The following TENM1 variants were observed in gnomAD, a reference collection of about 807,000 sequenced individuals.
TENM1 encodes teneurin transmembrane protein 1, also known as teneurin-1.
TENM1 carries 35 observed loss-of-function variants against 174.8 expected under a neutral mutation model. The ratio of observed to expected loss-of-function variants is 0.20; its 90% CI spans 0.15 to 0.27. TENM1 has a LOEUF of 0.27. Among genes scored for constraint, TENM1 ranks in the 10% least tolerant of loss-of-function variants. The pLI is 1.00. For missense variants in TENM1, 1,633 were observed against 2,130.1 expected (o/e 0.77, Z 4.59); for synonymous variants, 781 against 798.7 (o/e 0.98, Z 0.37).
At chrX:124,820,328 GCCC>G (rs760086705) in intron 3 of TENM1, among the ~76,000 whole-genome samples, 1 of 110,302 alleles carries the variant, frequency 9.1e-6, no homozygotes, top group Admixed American at 9.7e-5. Context: ...CCTCCCAGCC[GCCC>G]CCCCACCACA....
rs6648626 is a variant in TENM1, at chrX:124,932,317, C to T, written c.217+31220G>A. On this transcript the variant is annotated intron_variant, in intron 1 of 31. Transcript: ENST00000422452. Reference sequence around the variant, plus strand: ...GATAGAAGGAATTTTAAATGTAATTCATGCATAGTCCATAAATGGACTAAA... The same window carrying T: ...GATAGAAGGAATTTTAAATGTAATTTATGCATAGTCCATAAATGGACTAAA... Among the ~76,000 whole-genome samples, 51 of 112,222 alleles carry T rather than the reference C, an allele frequency of 4.5e-4. 1 individual carries two copies. In the East Asian group the frequency reaches 0.014, roughly 31 times the overall value.
At chrX:124,666,099 T>G (rs1178270437) in intron 6 of TENM1, among the ~76,000 whole-genome samples, 1 of 111,890 alleles carries the variant, frequency 8.9e-6, no homozygotes, top group East Asian at 2.8e-4. Context: ...GGTCATATAT[T>G]CAGCAGACAC....
At chrX:125,162,833 C>A in the TENM1 span, among the ~76,000 whole-genome samples, 1 of 111,272 alleles carries the variant, frequency 9.0e-6, no homozygotes, top group Non-Finnish European at 1.9e-5. Context: ...CCAACAGTTG[C>A]CCCCTTGAAC....
At chrX:125,183,920 A>G in the TENM1 span, among the ~76,000 whole-genome samples, 6 of 111,698 alleles carry the variant, frequency 5.4e-5, no homozygotes, top group African/African-American at 2.0e-4. Context: ...AAATCATACA[A>G]TGTTTGAACA....
At chrX:124,735,306 T>G (rs1262233373) in intron 4 of TENM1, among the ~76,000 whole-genome samples, 2 of 111,933 alleles carry the variant, frequency 1.8e-5, no homozygotes, top group Non-Finnish European at 3.8e-5. Flanking sequence ...AACAGACATT[T>G]CTCAAAAGGT....
chrX:124,671,634 C>A (rs1044232910), intron 6 of TENM1, 49 bp downstream of exon 9: 77 of 1,144,933 alleles, frequency 6.7e-5, no homozygotes, highest in Non-Finnish European at 8.6e-5. Flanking sequence ...GTTCTAATGA[C>A]CAAATTAGAA....
the TENM1 span, among the ~76,000 whole-genome samples, chrX:125,123,830 G>C: frequency 4.2e-3 from 475 of 112,315 alleles, 3 homozygotes; most frequent in Non-Finnish European, 7.2e-3. Flanking sequence ...CTTTTACCTT[G>C]ATGAACAGTA....
intron 3 of TENM1, among the ~76,000 whole-genome samples, chrX:124,760,271 G>A (rs996944944): frequency 1.7e-4 from 19 of 111,570 alleles, no homozygotes; most frequent in Non-Finnish European, 7.5e-5. Flanking sequence ...TTTCCTGGTC[G>A]TGTGACAAGA....
upstream of TENM1, among the ~76,000 whole-genome samples, chrX:124,966,962 G>A (rs753877363): frequency 9.0e-6 from 1 of 111,651 alleles, no homozygotes; most frequent in Non-Finnish European, 1.9e-5. Context: ...ACGTGGAAAT[G>A]CATAAGACAT....
chrX:124,823,274 A>G (rs913650810), intron 3 of TENM1, among the ~76,000 whole-genome samples: 1 of 112,320 alleles, frequency 8.9e-6, no homozygotes, highest in Non-Finnish European at 1.9e-5. Context: ...AGAGAAATTA[A>G]TTAGACGGAT....
At chrX:124,386,531 G>A (rs1429478040) in intron 28 of TENM1, among the ~76,000 whole-genome samples, 1 of 110,514 alleles carries the variant, frequency 9.0e-6, no homozygotes, top group Non-Finnish European at 1.9e-5. Flanking sequence ...AAAAGAACAC[G>A]GCTTTTTCAG....
exon 29 of TENM1, chrX:124,385,877 C>T (rs201279168): frequency 1.7e-5 from 20 of 1,208,671 alleles, no homozygotes; most frequent in African/African-American, 5.3e-5. Context: ...TCGGCCATCT[C>T]GACTATAGTC....
chrX:124,380,779 G>A (rs1350582883), exon 32 of TENM1: 19 of 1,209,849 alleles, frequency 1.6e-5, no homozygotes, highest in African/African-American at 1.0e-4. Flanking sequence ...TCTCCAACAC[G>A]TGATTCTTTT....
chrX:124,692,735 G>A (rs1472605434), intron 5 of TENM1, among the ~76,000 whole-genome samples: 2 of 109,336 alleles, frequency 1.8e-5, no homozygotes, highest in Non-Finnish European at 3.8e-5. Flanking sequence ...GGCCGGGCAC[G>A]GTGGCTCATG....
intron 1 of TENM1, among the ~76,000 whole-genome samples, chrX:124,916,236 T>C (rs1171755427): frequency 8.9e-6 from 1 of 112,119 alleles, no homozygotes; most frequent in Non-Finnish European, 1.9e-5. Context: ...GGTGGACACC[T>C]GATCCAGTCT....
chrX:125,044,926 A>G, the TENM1 span, among the ~76,000 whole-genome samples: 1 of 111,802 alleles, frequency 8.9e-6, no homozygotes, highest in African/African-American at 3.2e-5. Context: ...AACTGCACTA[A>G]GATCTCTCAG....
the TENM1 span, among the ~76,000 whole-genome samples, chrX:125,046,686 G>A: frequency 1.2e-4 from 13 of 112,005 alleles, no homozygotes; most frequent in African/African-American, 4.2e-4. Context: ...ATGTCCTGCC[G>A]AATGTGGGTC....
chrX:124,593,118 C>T (rs2049801993), intron 11 of TENM1, among the ~76,000 whole-genome samples: 1 of 111,725 alleles, frequency 9.0e-6, no homozygotes, highest in Non-Finnish European at 1.9e-5. Flanking sequence ...GGTCCACCTA[C>T]AGATCTTCCA....
At chrX:125,087,521 A>C in the TENM1 span, among the ~76,000 whole-genome samples, 1 of 111,112 alleles carries the variant, frequency 9.0e-6, no homozygotes, top group Non-Finnish European at 1.9e-5. Flanking sequence ...TGCTTTTCAG[A>C]CTCATTAATA....
Sources: allele counts gnomAD v4.1 joint callset (sites outside exome capture counted in the v4.1 genomes callset), GRCh38; gene constraint gnomAD v4.1.1; transcripts MANE v1.5; gene names NCBI Gene and HGNC (gene_info 2026-07-23, HGNC 2026-07-21).